Variants in JAKMIP1 observed in about 807,000 individuals in gnomAD.
JAKMIP1 encodes janus kinase and microtubule-interacting protein 1.
JAKMIP1 carries 33 observed loss-of-function variants against 113.0 expected under a neutral mutation model. The ratio of observed to expected loss-of-function variants is 0.29; its 90% CI spans 0.22 to 0.39. The LOEUF is 0.39. Among genes scored for constraint, JAKMIP1 ranks in the 10% least tolerant of loss-of-function variants. The pLI is 1.00. For missense variants in JAKMIP1, 813 were observed against 1,080.5 expected (o/e 0.75, Z 3.47); for synonymous variants, 480 against 459.9 (o/e 1.04, Z -0.56).
rs566158478 is a variant in JAKMIP1 at position 6,184,223 on chromosome 4, T to C, written c.-148+16030A>G. Among the ~76,000 whole-genome samples the C allele has an allele frequency of 6.6e-6, 1 of 152,290 alleles. No individual in the cohort carries two copies. Among genetic ancestry groups the C allele is most frequent in the Admixed American group, 6.5e-5 (1 of 15,302 alleles). On this transcript the variant is annotated intron_variant, in intron 1 of 20. Coordinates refer to ENST00000409021, the MANE Select transcript of JAKMIP1 (RefSeq NM_001099433.2). The surrounding 1 kb of genome is among the most constrained non-coding windows in gnomAD (Gnocchi z 4.5). ...GAGGTGAGTGTATCACACTGTCCTG[T>C]GAGTATCATCCCTTCTCAATAGGCA...
chr4:6,087,013 G>C (rs568390262), intron 3 of JAKMIP1, among the ~76,000 whole-genome samples: 1 of 152,238 alleles, frequency 6.6e-6, no homozygotes, highest in Admixed American at 6.5e-5. Context: ...AACTGTATAG[G>C]AACACATTTC....
At chr4:6,060,552 G>A (rs781138975) in intron 10 of JAKMIP1, 45 bp from the exon 11 acceptor site, 17 of 1,429,200 alleles carry the variant, frequency 1.2e-5, no homozygotes, top group Non-Finnish European at 9.9e-7. Flanking sequence ...CCTCCAATGG[G>A]TGACAGGGAA....
At chr4:6,078,493 T>C (rs1313973556) in intron 8 of JAKMIP1, among the ~76,000 whole-genome samples, 1 of 151,154 alleles carries the variant, frequency 6.6e-6, no homozygotes, top group Non-Finnish European at 1.5e-5. Context: ...GCCCAGCTCC[T>C]TCAGACACTG....
chr4:6,139,792 TA>T lies in JAKMIP1; in HGVS notation c.-147-26796del, dbSNP rs758977785. Among the ~76,000 whole-genome samples the T allele has an allele frequency of 1.3e-5, 2 of 149,728 alleles. No individual in the cohort carries two copies. The highest frequency in any genetic ancestry group is 3.0e-5 in the Non-Finnish European group (2 of 67,312). ...AAATATAAAATAAAATAAAATAAAA[TA>T]AAATAAAATAAGGAAATGGGAGCAC... is the stretch of plus-strand genomic sequence containing the variant. On this transcript the variant is annotated intron_variant, in intron 1 of 20. Transcript: ENST00000409021. This position sits in a 1 kb window ranked among gnomAD's most constrained non-coding sequence, Gnocchi z 5.2.
intron 1 of JAKMIP1, among the ~76,000 whole-genome samples, chr4:6,196,347 C>T (rs1727841748): frequency 2.0e-5 from 3 of 152,216 alleles, no homozygotes; most frequent in Admixed American, 2.0e-4. Flanking sequence ...CCTTCCCTGT[C>T]CCTGCCCCTC....
At chr4:6,169,602 ATTG>A (rs141758865) in intron 1 of JAKMIP1, among the ~76,000 whole-genome samples, 8,803 of 70,622 alleles carry the variant, frequency 0.12, 676 homozygotes, top group African/African-American at 0.26. Context: ...GCCCTAGGAA[ATTG>A]TGTGTGTGTG....
chr4:6,041,031 AG>A (rs932563499), intron 17 of JAKMIP1, among the ~76,000 whole-genome samples: 30 of 152,160 alleles, frequency 2.0e-4, no homozygotes, highest in African/African-American at 7.2e-4. Context: ...GAGTCCTTCT[AG>A]GTTCCTCCTG....
chr4:6,189,000 T>C lies in JAKMIP1; in HGVS notation c.-148+11253A>G, dbSNP rs1432353581. ...GAGCCTGGAAGGCTCCAAGACTTGC[T>C]GAGGAAATCCAATTACTGCCGGGCA... On this transcript the variant is annotated intron_variant, in intron 1 of 20. Coordinates refer to ENST00000409021, the MANE Select transcript of JAKMIP1 (RefSeq NM_001099433.2). This position sits in a 1 kb window ranked among gnomAD's most constrained non-coding sequence, Gnocchi z 5.8. Among the ~76,000 whole-genome samples, 1 of 152,210 alleles carries C rather than the reference T, an allele frequency of 6.6e-6. No homozygotes were observed. The highest frequency in any genetic ancestry group is 1.5e-5 in the Non-Finnish European group (1 of 68,046).
chr4:6,137,934 C>A lies in JAKMIP1; in HGVS notation c.-147-24937G>T, dbSNP rs1242227536. On this transcript the variant is annotated intron_variant, in intron 1 of 20. Coordinates refer to ENST00000409021, the MANE Select transcript of JAKMIP1 (RefSeq NM_001099433.2). This position sits in a 1 kb window ranked among gnomAD's most constrained non-coding sequence, Gnocchi z 4.5. Reference sequence around the variant, plus strand: ...AAGGTGTGCTCTGGCGTTGGGGGTCCCACCATGGCCTTCTCCTTCCTGGCT... The same window carrying A: ...AAGGTGTGCTCTGGCGTTGGGGGTCACACCATGGCCTTCTCCTTCCTGGCT... 6.6e-6 allele frequency among the ~76,000 whole-genome samples: 1 copy of A among 152,186 alleles called. No individual in the cohort carries two copies. The highest frequency in any genetic ancestry group is 1.9e-4 in the East Asian group (1 of 5,180).
intron 20 of JAKMIP1, among the ~76,000 whole-genome samples, chr4:6,028,568 C>G (rs1218870577): frequency 6.6e-6 from 1 of 152,226 alleles, no homozygotes; most frequent in Non-Finnish European, 1.5e-5. Context: ...AGGCTGTCAT[C>G]CCATTTTTGG....
rs576977402 is a variant in JAKMIP1, at chr4:6,142,293, C to T, written c.-147-29296G>A. 1.1e-3 allele frequency among the ~76,000 whole-genome samples: 160 copies of T among 152,252 alleles called. 2 individuals carry two copies. Among genetic ancestry groups the T allele is most frequent in the Admixed American group, 1.6e-3 (24 of 15,300 alleles). ...TCACTGGCCAAACGCTGCAAAGTTT[C>T]GAAGAGGCTCGTACCCATGTATGCC... On this transcript the variant is annotated intron_variant, in intron 1 of 20. Transcript: ENST00000409021. This position sits in a 1 kb window ranked among gnomAD's most constrained non-coding sequence, Gnocchi z 5.5.
In JAKMIP1 at chr4:6,044,898, G is replaced by A. The variant is rs1005208894; in HGVS notation, c.2029-2671C>T. ...CTCAGTCACTCCTGGGAGAAACAGCGTTCATGGTTCTGCTCCAACCCCAGG... is the reference window on the plus strand; with the variant it reads ...CTCAGTCACTCCTGGGAGAAACAGCATTCATGGTTCTGCTCCAACCCCAGG... On this transcript the variant is annotated intron_variant, in intron 16 of 20. Transcript: ENST00000409021. The surrounding 1 kb of genome is among the most constrained non-coding windows in gnomAD (Gnocchi z 4.4). Among the ~76,000 whole-genome samples, 9 of 152,236 alleles carry A rather than the reference G, an allele frequency of 5.9e-5. No homozygotes were observed. The highest frequency in any genetic ancestry group is 2.2e-4 in the African/African-American group (9 of 41,464).
chr4:6,198,317 G>A (rs79836849), intron 1 of JAKMIP1, among the ~76,000 whole-genome samples: 2,398 of 14,592 alleles, frequency 0.16, 64 homozygotes, highest in African/African-American at 0.26. Context: ...TGTTTTAGAC[G>A]GGGGGAAAAA....
intron 1 of JAKMIP1, among the ~76,000 whole-genome samples, chr4:6,174,196 G>T (rs1360905406): frequency 2.0e-5 from 3 of 152,144 alleles, no homozygotes; most frequent in Admixed American, 2.0e-4. Flanking sequence ...ATGATGTGAG[G>T]CCTTGATCCA....
At chr4:6,166,024 G>A (rs529085049) in intron 1 of JAKMIP1, among the ~76,000 whole-genome samples, 1 of 152,014 alleles carries the variant, frequency 6.6e-6, no homozygotes, top group Non-Finnish European at 1.5e-5. Flanking sequence ...CCACTTTCAC[G>A]TCACCTCCTG....
chr4:6,096,181 C>T (rs1049751763), intron 3 of JAKMIP1, among the ~76,000 whole-genome samples: 2 of 152,202 alleles, frequency 1.3e-5, no homozygotes, highest in African/African-American at 4.8e-5. Flanking sequence ...TCTTTTGACA[C>T]TTAAATTACA....
In JAKMIP1 at chr4:6,087,792, G is replaced by C. The variant is rs567851242; in HGVS notation, c.625-2163C>G. Among the ~76,000 whole-genome samples, 54 of 152,240 alleles carry C rather than the reference G, an allele frequency of 3.5e-4. No individual in the cohort carries two copies. In the South Asian group the frequency reaches 8.5e-3, roughly 24 times the overall value. On this transcript the variant is annotated intron_variant, in intron 3 of 20. Transcript: ENST00000409021. The stretch of plus-strand genomic sequence containing the variant: ...GGCACCTTTCTTTGGAAGACAAAAG[G>C]CTGTTTCCATCTGCCAGGATGATAT...
intron 3 of JAKMIP1, among the ~76,000 whole-genome samples, chr4:6,105,165 T>C (rs1222121157): frequency 6.6e-6 from 1 of 152,254 alleles, no homozygotes; most frequent in Non-Finnish European, 1.5e-5. Flanking sequence ...GATGGAAGTC[T>C]GCTCATGGTT....
At chr4:6,085,389 C>T in intron 4 of JAKMIP1, 31 bp downstream of exon 4, 1 of 1,602,898 alleles carries the variant, frequency 6.2e-7, no homozygotes. Context: ...GGGGGACCAG[C>T]CTGAGGCTGG....
Sources: gnomAD v4.1 joint callset for allele counts (sites outside exome capture counted in the v4.1 genomes callset) on GRCh38, gnomAD v4.1.1 for gene constraint, Gnocchi (gnomAD v3.1) non-coding constraint, MANE v1.5 for transcripts, NCBI Gene and HGNC (gene_info 2026-07-23, HGNC 2026-07-21) for gene names.